Variants in PLEKHA5 observed in about 807,000 individuals in gnomAD.
The protein encoded by PLEKHA5 is pleckstrin homology domain-containing family A member 5.
In PLEKHA5, 55 loss-of-function variants were observed where a neutral mutation model predicts 181.9. The observed-to-expected ratio is 0.30, with a 90% CI of 0.24 to 0.38. PLEKHA5 has a LOEUF of 0.38. Among genes scored for constraint, PLEKHA5 ranks in the 10% least tolerant of loss-of-function variants. PLEKHA5 has a pLI of 1.00. For missense variants in PLEKHA5, 1,432 were observed against 1,549.5 expected, an observed-to-expected ratio of 0.92 and a Z score of 1.27; for synonymous variants, 535 against 529.4, an observed-to-expected ratio of 1.01 and a Z score of -0.15.
chr12:19,192,442 A>G (rs1428771129), intron 3 of PLEKHA5, among the ~76,000 whole-genome samples: 2 of 152,324 alleles, frequency 1.3e-5, no homozygotes, highest in African/African-American at 2.4e-5. Context: ...TCACACCTAT[A>G]ATCCCAGCAC....
chr12:19,161,060 T>C (rs922779112), intron 3 of PLEKHA5, among the ~76,000 whole-genome samples: 3 of 152,202 alleles, frequency 2.0e-5, no homozygotes, highest in Non-Finnish European at 4.4e-5. Context: ...CTGTTTTGTT[T>C]AGTAAATCTG....
chr12:19,336,934 G>T (rs1472003341), intron 21 of PLEKHA5, among the ~76,000 whole-genome samples: 1 of 149,694 alleles, frequency 6.7e-6, no homozygotes, highest in Admixed American at 6.6e-5. Flanking sequence ...TTGGTATTGA[G>T]ATGTTGAATT....
At chr12:19,140,844 A>G (rs942769255) in intron 3 of PLEKHA5, among the ~76,000 whole-genome samples, 2 of 152,180 alleles carry the variant, frequency 1.3e-5, no homozygotes, top group African/African-American at 2.4e-5. Flanking sequence ...GCTGGAGTAC[A>G]GTGACTCAGT....
intron 15 of PLEKHA5, among the ~76,000 whole-genome samples, chr12:19,309,865 T>G (rs1210207378): frequency 6.6e-6 from 1 of 152,184 alleles, no homozygotes; most frequent in Non-Finnish European, 1.5e-5. Flanking sequence ...GCAACTGCTT[T>G]CTTTGTTACA....
chr12:19,258,755 G>A (rs1269886436), intron 6 of PLEKHA5, among the ~76,000 whole-genome samples: 1 of 151,646 alleles, frequency 6.6e-6, no homozygotes, highest in Non-Finnish European at 1.5e-5. Context: ...TAGTAGAGAC[G>A]GGTTTTCACC....
intron 15 of PLEKHA5, chr12:19,306,573 C>T (rs1592415754): frequency 1.3e-6 from 1 of 786,532 alleles, no homozygotes; most frequent in East Asian, 2.6e-5. Context: ...GTCCCCAGCA[C>T]TGCGGATCCG....
At chr12:19,225,911 G>A (rs1317548071) in intron 3 of PLEKHA5, among the ~76,000 whole-genome samples, 1 of 152,188 alleles carries the variant, frequency 6.6e-6, no homozygotes, top group Non-Finnish European at 1.5e-5. Context: ...TGCGATTAAA[G>A]CAAGTCAAAA....
chr12:19,179,640 A>T (rs958346541), intron 3 of PLEKHA5, among the ~76,000 whole-genome samples: 1 of 152,218 alleles, frequency 6.6e-6, no homozygotes, highest in Non-Finnish European at 1.5e-5. Context: ...AGCCTGGGCA[A>T]CAGGAGATAA....
chr12:19,145,077 A>G (rs1042875685), intron 3 of PLEKHA5, among the ~76,000 whole-genome samples: 1 of 152,208 alleles, frequency 6.6e-6, no homozygotes, highest in African/African-American at 2.4e-5. Flanking sequence ...AGCAGAGTTC[A>G]AACATGAGGA....
At chr12:19,189,810 AACTC>A (rs2050689659) in intron 3 of PLEKHA5, among the ~76,000 whole-genome samples, 3 of 152,214 alleles carry the variant, frequency 2.0e-5, no homozygotes, top group Non-Finnish European at 4.4e-5. Flanking sequence ...TGACATAAAT[AACTC>A]CTTTCTGAAA....
At chr12:19,345,039 T>C (rs762401827) in intron 22 of PLEKHA5, among the ~76,000 whole-genome samples, 5 of 151,896 alleles carry the variant, frequency 3.3e-5, no homozygotes, top group Admixed American at 3.3e-4. Context: ...AGAGAATCTC[T>C]TGAACCCGGG....
intron 3 of PLEKHA5, among the ~76,000 whole-genome samples, chr12:19,162,815 G>A (rs1244215597): frequency 1.3e-5 from 2 of 152,102 alleles, no homozygotes; most frequent in Non-Finnish European, 2.9e-5. Flanking sequence ...AAAGTAAAGT[G>A]GTATAATTAT....
intron 3 of PLEKHA5, among the ~76,000 whole-genome samples, chr12:19,195,419 A>G (rs940415168): frequency 3.3e-5 from 5 of 151,982 alleles, no homozygotes; most frequent in Non-Finnish European, 5.9e-5. Flanking sequence ...CTGTAATCCT[A>G]GCACTTTGGA....
At chr12:19,237,666 A>G (rs749418673) in intron 3 of PLEKHA5, among the ~76,000 whole-genome samples, 133 of 152,158 alleles carry the variant, frequency 8.7e-4, no homozygotes, top group Non-Finnish European at 1.7e-3. Flanking sequence ...TATATATTAC[A>G]GATCGTATTT....
chr12:19,254,954 TA>T (rs2066451203), intron 4 of PLEKHA5, 90 bp from the exon 5 acceptor site: 1 of 1,097,226 alleles, frequency 9.1e-7, no homozygotes, highest in East Asian at 2.5e-5. Flanking sequence ...TGTGAAAAAG[TA>T]GGACACTCGC....
chr12:19,360,765 C>CTT (rs71064096), intron 28 of PLEKHA5, among the ~76,000 whole-genome samples: 294 of 151,596 alleles, frequency 1.9e-3, no homozygotes, highest in Non-Finnish European at 3.0e-3. Flanking sequence ...TGCACCATCT[C>CTT]TTTTTTTTGA....
At chr12:19,257,291 G>A (rs1017287089) in intron 5 of PLEKHA5, 142 bp from the exon 6 acceptor site, 2 of 527,532 alleles carry the variant, frequency 3.8e-6, no homozygotes, top group Non-Finnish European at 6.6e-6. Flanking sequence ...AGCAAAAGTA[G>A]AATTTTAATA....
chr12:19,171,093 CT>C (rs2045784680), intron 3 of PLEKHA5, among the ~76,000 whole-genome samples: 1 of 152,126 alleles, frequency 6.6e-6, no homozygotes, highest in South Asian at 2.1e-4. Context: ...TTCCCATCCC[CT>C]ATTTCAGAGA....
At chr12:19,359,720 T>G (rs2095128568) in intron 28 of PLEKHA5, among the ~76,000 whole-genome samples, 174 bp downstream of exon 28, 1 of 151,954 alleles carries the variant, frequency 6.6e-6, no homozygotes, top group African/African-American at 2.4e-5. Context: ...TCCCAGCACT[T>G]TGGGAGGCTG....
Sources: allele counts gnomAD v4.1 joint callset (sites outside exome capture counted in the v4.1 genomes callset), GRCh38; gene constraint gnomAD v4.1.1; transcripts MANE v1.5; gene names NCBI Gene and HGNC (gene_info 2026-07-23, HGNC 2026-07-21).